Variants in CPNE8 observed in about 807,000 individuals in gnomAD.
The protein encoded by CPNE8 is copine-8.
A neutral mutation model predicts 81.5 loss-of-function variants in CPNE8; 45 were observed. That is an observed-to-expected ratio of 0.55 (90% CI 0.44 to 0.71). The LOEUF (loss-of-function observed/expected upper bound fraction) is 0.71, where lower values mean the gene tolerates loss of function less well. CPNE8 is among the 30% of genes least tolerant of loss of function. The probability of loss-of-function intolerance (pLI) is 0.00; values close to 1 mark genes in which losing one functional copy is unlikely to be tolerated. For missense variants in CPNE8, 594 were observed against 672.1 expected (o/e 0.88, Z 1.28); for synonymous variants, 252 against 226.3 (o/e 1.11, Z -1.02).
At chr12:38,848,804 C>T in intron 3 of CPNE8, 142 bp from the exon 4 acceptor site, 2 of 1,126,132 alleles carry the variant, frequency 1.8e-6, no homozygotes, top group Non-Finnish European at 2.4e-6. Context: ...AAAATCACCT[C>T]TCTTATTTAT....
chr12:38,788,808 T>C (rs1095572), intron 6 of CPNE8, among the ~76,000 whole-genome samples: 144,953 of 151,866 alleles, frequency 0.95, 69,382 homozygotes, highest in East Asian at 1. Context: ...TTTCTGTATG[T>C]CAAAGTGAAT....
rs868211447 is a variant in CPNE8, at chr12:38,717,458, T to C, written c.914+6314A>G. ...ATATATATATATATATATATATATA[T>C]ACACCATGGAATACTACTCAGTCAT... On this transcript the variant is annotated intron_variant, in intron 13 of 19. Coordinates refer to ENST00000331366, the MANE Select transcript of CPNE8 (RefSeq NM_153634.3). Among the ~76,000 whole-genome samples, 226 of 138,728 alleles carry C rather than the reference T, an allele frequency of 1.6e-3. 6 individuals are homozygous for C. The highest frequency in any genetic ancestry group is 5.4e-3 in the African/African-American group (203 of 37,426). The allele number at this position is 138,728 out of a possible 152,430, so 91.0% of individuals were successfully genotyped here.
At chr12:38,881,209 CAAAAA>C (rs11336431) in intron 1 of CPNE8, among the ~76,000 whole-genome samples, 3 of 126,500 alleles carry the variant, frequency 2.4e-5, no homozygotes, top group Non-Finnish European at 1.7e-5. Context: ...GATTCCGTCT[CAAAAA>C]AAAAAAAAAA....
At chr12:38,872,216 A>G (rs779540698) in intron 3 of CPNE8, among the ~76,000 whole-genome samples, 21 of 152,344 alleles carry the variant, frequency 1.4e-4, no homozygotes, top group Non-Finnish European at 2.5e-4. Context: ...CATTATCAGT[A>G]GAAACAAGCT....
At chr12:38,835,340 T>C (rs758652857) in intron 5 of CPNE8, among the ~76,000 whole-genome samples, 1 of 152,200 alleles carries the variant, frequency 6.6e-6, no homozygotes, top group Non-Finnish European at 1.5e-5. Flanking sequence ...TAGGGAAACT[T>C]CAGCTTCTGA....
At chr12:38,744,289 C>T (rs1165817848) in intron 10 of CPNE8, among the ~76,000 whole-genome samples, 3 of 152,092 alleles carry the variant, frequency 2.0e-5, no homozygotes, top group Non-Finnish European at 4.4e-5. Context: ...GAGGTAATCA[C>T]GAATTCCAGT....
chr12:38,660,035 C>G (rs1028128292), intron 19 of CPNE8, among the ~76,000 whole-genome samples: 3 of 152,204 alleles, frequency 2.0e-5, no homozygotes, highest in Non-Finnish European at 4.4e-5. Flanking sequence ...AATGGCCATA[C>G]TGCCCAAGGC....
At chr12:38,805,620 C>G (rs1181460657) in intron 6 of CPNE8, among the ~76,000 whole-genome samples, 1 of 105,510 alleles carries the variant, frequency 9.5e-6, no homozygotes, top group African/African-American at 3.5e-5. Flanking sequence ...ATGTAACTAA[C>G]CTGCACAATG....
At chr12:38,825,252 A>G (rs1160369824) in intron 6 of CPNE8, among the ~76,000 whole-genome samples, 3 of 152,126 alleles carry the variant, frequency 2.0e-5, no homozygotes, top group Non-Finnish European at 2.9e-5. Flanking sequence ...ATCATCTCCA[A>G]TATCTTCCCT....
Position 38,703,028 on chromosome 12 carries a change from T to G in CPNE8, c.915-107A>C, listed in dbSNP as rs1297490094. The stretch of plus-strand genomic sequence containing the variant: ...TAATGTCACTGATTTTCTCAAACGT[T>G]AATTAAGAGCAATATATTACAGTAC... On this transcript the variant is annotated intron_variant, in intron 13 of 19. Coordinates refer to ENST00000331366, the MANE Select transcript of CPNE8 (RefSeq NM_153634.3). The G allele has an allele frequency of 5.3e-6, 4 of 752,994 alleles. No individual in the cohort carries two copies. In the African/African-American group the frequency reaches 7.2e-5, roughly 13 times the overall value. The allele number at this position is 752,994 out of a possible 1,614,324, so 46.6% of individuals were successfully genotyped here. A position where few individuals can be genotyped will look rare whatever the true frequency, so the allele number is the denominator to read the frequency against.
rs74086034 is a variant in CPNE8 at position 38,864,532 on chromosome 12, A to G, written c.186+8472T>C. ...TATTAAAACAGTATGGTATTACACA[A>G]TAGAATCCTCAACAAAGTCCTCACA... On this transcript the variant is annotated intron_variant, in intron 3 of 19. Transcript: ENST00000331366. Among the ~76,000 whole-genome samples, 1,036 of 152,322 alleles carry G rather than the reference A, an allele frequency of 6.8e-3. 11 individuals carry two copies. The highest frequency in any genetic ancestry group is 0.024 in the African/African-American group (994 of 41,564).
intron 18 of CPNE8, among the ~76,000 whole-genome samples, chr12:38,672,616 C>T (rs7971075): frequency 0.63 from 95,372 of 152,150 alleles, 36,724 homozygotes; most frequent in Non-Finnish European, 0.87. Context: ...TCGTCTAACT[C>T]GAATCAAAGC....
chr12:38,833,644 A>G (rs190301226), intron 5 of CPNE8, among the ~76,000 whole-genome samples: 7 of 151,522 alleles, frequency 4.6e-5, no homozygotes, highest in Non-Finnish European at 1.0e-4. Flanking sequence ...ACGCCCAGCT[A>G]ATTTTTTGTA....
At chr12:38,905,628 G>A (rs951322915), upstream of CPNE8, 2 of 1,514,920 alleles carry the variant, frequency 1.3e-6, no homozygotes, top group Admixed American at 2.0e-5. Context: ...TGGGGGTTGA[G>A]GGTGGAGGCA....
chr12:38,702,675 AT>A (rs1939976282), intron 14 of CPNE8, among the ~76,000 whole-genome samples, 199 bp downstream of exon 14: 1 of 152,054 alleles, frequency 6.6e-6, no homozygotes, highest in Non-Finnish European at 1.5e-5. Flanking sequence ...GACTATTAGC[AT>A]TTTTGTTATA....
chr12:38,823,044 C>A (rs1331043272), intron 6 of CPNE8, among the ~76,000 whole-genome samples: 2 of 152,098 alleles, frequency 1.3e-5, no homozygotes, highest in African/African-American at 4.8e-5. Flanking sequence ...ACTATGCATT[C>A]TCCTATCCCT....
At chr12:38,835,761 A>G (rs1379085505) in intron 5 of CPNE8, among the ~76,000 whole-genome samples, 2 of 152,166 alleles carry the variant, frequency 1.3e-5, no homozygotes, top group Non-Finnish European at 2.9e-5. Context: ...ACTGATCTGT[A>G]TGTGAAAGCT....
chr12:38,751,604 C>T (rs1941354379), intron 10 of CPNE8, among the ~76,000 whole-genome samples: 1 of 152,288 alleles, frequency 6.6e-6, no homozygotes, highest in East Asian at 1.9e-4. Context: ...ATTATGCCTA[C>T]AGGCCAAATT....
intron 6 of CPNE8, among the ~76,000 whole-genome samples, chr12:38,825,388 G>A (rs1943172231): frequency 6.6e-6 from 1 of 152,136 alleles, no homozygotes; most frequent in African/African-American, 2.4e-5. Context: ...AGTAAAAAAA[G>A]TGAAGTACAT....
Sources: allele counts gnomAD v4.1 joint callset (sites outside exome capture counted in the v4.1 genomes callset), GRCh38; gene constraint gnomAD v4.1.1; transcripts MANE v1.5; gene names NCBI Gene and HGNC (gene_info 2026-07-23, HGNC 2026-07-21).